The following GALNT10 variants were observed in gnomAD, a reference collection of about 807,000 sequenced individuals.
GALNT10 encodes the protein GalNAc transferase 10.
GALNT10 carries 41 observed loss-of-function variants against 75.0 expected under a neutral mutation model. That is an observed-to-expected ratio of 0.55 (90% CI 0.43 to 0.71). The LOEUF is 0.71. GALNT10 is among the 30% of genes least tolerant of loss of function. The pLI is 0.00. For missense variants in GALNT10, 727 were observed against 818.5 expected, an observed-to-expected ratio of 0.89 and a Z score of 1.36; for synonymous variants, 302 against 313.0, an observed-to-expected ratio of 0.96 and a Z score of 0.37.
At chr5:154,289,891 G>A (rs1478055962) in intron 1 of GALNT10, among the ~76,000 whole-genome samples, 1 of 152,154 alleles carries the variant, frequency 6.6e-6, no homozygotes, top group Non-Finnish European at 1.5e-5. Context: ...CCTGGTGCCT[G>A]ACACACTGCT....
At chr5:154,317,157 C>G (rs1050852898) in intron 3 of GALNT10, among the ~76,000 whole-genome samples, 1 of 152,164 alleles carries the variant, frequency 6.6e-6, no homozygotes, top group Non-Finnish European at 1.5e-5. Flanking sequence ...GAACCCAGGT[C>G]CAGAGCATTC....
At chr5:154,339,415 T>C (rs1318454646) in intron 4 of GALNT10, among the ~76,000 whole-genome samples, 1 of 152,152 alleles carries the variant, frequency 6.6e-6, no homozygotes, top group Non-Finnish European at 1.5e-5. Context: ...TCAATTAGTT[T>C]ATAATGAGGG....
intron 3 of GALNT10, among the ~76,000 whole-genome samples, chr5:154,300,420 A>G (rs1754342654): frequency 1.3e-5 from 2 of 152,222 alleles, no homozygotes; most frequent in African/African-American, 4.8e-5. Context: ...TACAAAGGCC[A>G]GGACCCCACC....
chr5:154,399,264 C>T (rs1194349065), intron 7 of GALNT10, among the ~76,000 whole-genome samples: 1 of 152,186 alleles, frequency 6.6e-6, no homozygotes, highest in Non-Finnish European at 1.5e-5. Flanking sequence ...TGACCTGGGC[C>T]ATGAGCAGAA....
At chr5:154,293,681 T>C (rs60325279) in intron 1 of GALNT10, among the ~76,000 whole-genome samples, 16,908 of 149,494 alleles carry the variant, frequency 0.11, 1,232 homozygotes, top group African/African-American at 0.21. Flanking sequence ...CACATGTTTA[T>C]TCTCTTTGGG....
chr5:154,311,921 G>A (rs1021299412), intron 3 of GALNT10, among the ~76,000 whole-genome samples: 3 of 152,006 alleles, frequency 2.0e-5, no homozygotes, highest in Admixed American at 6.6e-5. Flanking sequence ...GGAGGGAAAC[G>A]TTTTTAAATC....
chr5:154,356,414 T>C (rs942598248), intron 4 of GALNT10: 1 of 305,670 alleles, frequency 3.3e-6, no homozygotes, highest in Admixed American at 4.5e-5. Flanking sequence ...GGATCTGAGG[T>C]GTGGCAGGGC....
At chr5:154,339,314 C>T (rs988987569) in intron 4 of GALNT10, among the ~76,000 whole-genome samples, 20 of 152,206 alleles carry the variant, frequency 1.3e-4, no homozygotes, top group Admixed American at 6.5e-4. Context: ...TCTCGATTCT[C>T]TTCTCCTTTC....
At chr5:154,224,871 C>A (rs923122259) in intron 1 of GALNT10, among the ~76,000 whole-genome samples, 1 of 148,868 alleles carries the variant, frequency 6.7e-6, no homozygotes, top group Admixed American at 7.0e-5. Context: ...ACCTCCACTT[C>A]CCGGGTTCAA....
chr5:154,197,647 G>A (rs1774967086), intron 1 of GALNT10, among the ~76,000 whole-genome samples: 1 of 152,172 alleles, frequency 6.6e-6, no homozygotes, highest in Admixed American at 6.5e-5. Context: ...TTTCTCAGGT[G>A]ATGAAAGCCA....
chr5:154,196,761 C>T (rs951630293), intron 1 of GALNT10, among the ~76,000 whole-genome samples: 7 of 152,150 alleles, frequency 4.6e-5, no homozygotes, highest in African/African-American at 1.2e-4. Context: ...CTGAACCATT[C>T]GCAGATTTCA....
chr5:154,410,518 C>T (rs1258341076), intron 9 of GALNT10, among the ~76,000 whole-genome samples: 2 of 152,188 alleles, frequency 1.3e-5, no homozygotes, highest in African/African-American at 4.8e-5. Flanking sequence ...TGCCACTGCA[C>T]TCCAGCCTGG....
At chr5:154,359,631 G>T (rs1456954538) in intron 4 of GALNT10, among the ~76,000 whole-genome samples, 1 of 151,384 alleles carries the variant, frequency 6.6e-6, no homozygotes, top group East Asian at 1.9e-4. Context: ...CCCTACCAGA[G>T]ATTCTTGGGG....
intron 1 of GALNT10, among the ~76,000 whole-genome samples, chr5:154,251,076 A>G (rs933450248): frequency 6.6e-5 from 10 of 152,198 alleles, no homozygotes; most frequent in African/African-American, 2.4e-4. Flanking sequence ...CAAGATACAG[A>G]AAGCTAAACA....
At chr5:154,281,979 C>T (rs149791222) in intron 1 of GALNT10, among the ~76,000 whole-genome samples, 236 of 152,242 alleles carry the variant, frequency 1.6e-3, no homozygotes, top group Non-Finnish European at 3.0e-3. Context: ...GAGGCTGGCT[C>T]GTAACCTGTT....
intron 1 of GALNT10, among the ~76,000 whole-genome samples, chr5:154,232,414 G>C (rs767149936): frequency 3.5e-4 from 54 of 152,290 alleles, no homozygotes; most frequent in Middle Eastern, 3.4e-3. Context: ...CTATGTGCCA[G>C]GCATCTTTCT....
chr5:154,191,446 C>CCG (rs1774858835), intron 1 of GALNT10, among the ~76,000 whole-genome samples: 1 of 77,772 alleles, frequency 1.3e-5, no homozygotes, highest in African/African-American at 5.8e-5. Flanking sequence ...CCCCCCCCCC[C>CCG]CCACAACCCC....
chr5:154,294,771 T>C, intron 1 of GALNT10, 45 bp from the exon 2 acceptor site: 1 of 1,012,382 alleles, frequency 9.9e-7, no homozygotes, highest in African/African-American at 1.6e-5. Context: ...CCTGTGTTAC[T>C]GATTTGCCCT....
intron 1 of GALNT10, among the ~76,000 whole-genome samples, chr5:154,249,760 A>C (rs536476559): frequency 1.2e-4 from 18 of 152,290 alleles, no homozygotes; most frequent in African/African-American, 4.1e-4. Context: ...AAAGTAGCCT[A>C]CAGGGCTGCC....
Sources: gnomAD v4.1 joint callset for allele counts (sites outside exome capture counted in the v4.1 genomes callset) on GRCh38, gnomAD v4.1.1 for gene constraint, MANE v1.5 for transcripts, NCBI Gene and HGNC (gene_info 2026-07-23, HGNC 2026-07-21) for gene names.